Variants in PTPRN2 observed in about 807,000 individuals in gnomAD.
PTPRN2 encodes the protein receptor-type tyrosine-protein phosphatase N2.
In PTPRN2, 74 loss-of-function variants were observed where a neutral mutation model predicts 118.8. The observed-to-expected ratio is 0.62, with a 90% confidence interval of 0.52 to 0.76. PTPRN2 has a LOEUF of 0.76. Among genes scored for constraint, PTPRN2 ranks in the 30% least tolerant of loss-of-function variants. The pLI, the probability that PTPRN2 is intolerant of heterozygous loss-of-function variation, is 0.00. For missense variants in PTPRN2, 1,481 were observed against 1,394.4 expected, an observed-to-expected ratio of 1.06 and a Z score of -0.99; for synonymous variants, 641 against 608.0, an observed-to-expected ratio of 1.05 and a Z score of -0.80.
intron 3 of PTPRN2, among the ~76,000 whole-genome samples, chr7:158,248,533 C>T (rs1416487589): frequency 6.8e-6 from 1 of 146,276 alleles, no homozygotes; most frequent in Non-Finnish European, 1.5e-5. Context: ...CCCACACACA[C>T]CCCATGCACA....
chr7:158,466,469 A>G lies in PTPRN2; in HGVS notation c.163+23266T>C, dbSNP rs151266816. On this transcript the variant is annotated intron_variant, in intron 2 of 22. Transcript: ENST00000389418. ...CTTACTTCACACTATTTACAACATC[A>G]TGTCCTCCAGGTTCATCCATGTTTT... is the stretch of plus-strand genomic sequence containing the variant. Among the ~76,000 whole-genome samples the G allele has an allele frequency of 3.0e-3, 456 of 152,018 alleles. 2 individuals carry two copies. The highest frequency in any genetic ancestry group is 0.011 in the African/African-American group (442 of 41,444).
intron 5 of PTPRN2, among the ~76,000 whole-genome samples, chr7:158,173,233 C>T (rs1823874544): frequency 6.6e-6 from 1 of 152,224 alleles, no homozygotes. Flanking sequence ...TCATCACTTC[C>T]TATTGGGGGA....
rs1310296651 is a variant in PTPRN2, at chr7:158,587,581, C to A, written c.89G>T (p.Gly30Val). The change falls in exon 1 of 23, where the codon GGC (glycine) becomes GTC (valine). Residue 30 changes from glycine to valine, a missense_variant. Physicochemically the swap from Gly to Val is moderately radical, Grantham distance 109. Coordinates refer to ENST00000389418, the MANE Select transcript of PTPRN2 (RefSeq NM_002847.5). ...LPAAPSSVPR[G>V]RQLPGRLGCL... ...ACCCAGACGCCCCGGGAGCTGCCGG[C>A]CGCGGGGGACGGACGAAGGGGCGGC... 1 of 1,336,218 alleles carries A rather than the reference C, an allele frequency of 7.5e-7. No individual in the cohort carries two copies. Among genetic ancestry groups the A allele is most frequent in the South Asian group, 1.9e-5 (1 of 52,614 alleles). The allele number at this position is 1,336,218 out of a possible 1,614,324, so 82.8% of individuals were successfully genotyped here. A position where few individuals can be genotyped will look rare whatever the true frequency, so the allele number is the denominator to read the frequency against.
At chr7:158,395,895 G>C (rs1057373150) in intron 2 of PTPRN2, among the ~76,000 whole-genome samples, 4 of 152,008 alleles carry the variant, frequency 2.6e-5, no homozygotes, top group Admixed American at 2.6e-4. Flanking sequence ...CAGCCTGGAG[G>C]GGGAGCTCGG....
chr7:158,389,309 G>A (rs1041683205), intron 2 of PTPRN2, among the ~76,000 whole-genome samples: 5 of 152,250 alleles, frequency 3.3e-5, no homozygotes, highest in South Asian at 2.1e-4. Context: ...ACACGCAGCC[G>A]TGTCCATAGA....
Position 157,794,484 on chromosome 7 carries a change from G to A in PTPRN2, c.1788+104189C>T, listed in dbSNP as rs1388868642. On this transcript the variant is annotated intron_variant, in intron 12 of 22. Transcript: ENST00000389418. The surrounding 1 kb of genome is among the most constrained non-coding windows in gnomAD (Gnocchi z 5.2). ...TATTCTTTGAAGCTTCACTGCTTTC[G>A]GATAAGTATGAAAATAGGCTCTCCC... 8.5e-5 allele frequency among the ~76,000 whole-genome samples: 13 copies of A among 152,194 alleles called. No homozygotes were observed. The highest frequency in any genetic ancestry group is 5.9e-4 in the Admixed American group (9 of 15,276).
At chr7:157,594,690 C>CG (rs1162030259) in intron 17 of PTPRN2, among the ~76,000 whole-genome samples, 1 of 152,170 alleles carries the variant, frequency 6.6e-6, no homozygotes, top group African/African-American at 2.4e-5. Context: ...AGGGGAGACC[C>CG]GGGGGCAGCT....
chr7:157,979,217 A>T (rs1335864189), intron 11 of PTPRN2, among the ~76,000 whole-genome samples: 1 of 149,656 alleles, frequency 6.7e-6, no homozygotes, highest in Non-Finnish European at 1.5e-5. Flanking sequence ...TAGAAAAAAA[A>T]AGAAAAATGT....
At chr7:158,213,456 A>T (rs186273206) in intron 3 of PTPRN2, among the ~76,000 whole-genome samples, 30 of 152,342 alleles carry the variant, frequency 2.0e-4, no homozygotes, top group Non-Finnish European at 3.8e-4. Context: ...GAAGTGAAGA[A>T]TGATAGGAAA....
chr7:158,262,765 CACACATTCACACACACTACACACAT>C (rs1205983344), intron 3 of PTPRN2, among the ~76,000 whole-genome samples: 1 of 146,684 alleles, frequency 6.8e-6, no homozygotes, highest in Non-Finnish European at 1.5e-5. Context: ...ACACTGCACA[CACACATTCACACACACTACACACAT>C]ACACATTCAC....
At chr7:158,053,416 T>A (rs1809485812) in intron 11 of PTPRN2, among the ~76,000 whole-genome samples, 2 of 152,136 alleles carry the variant, frequency 1.3e-5, no homozygotes, top group Admixed American at 1.3e-4. Flanking sequence ...TCTGACTGTT[T>A]AATTAACGTG....
At chr7:158,538,625 A>C (rs1000036708) in intron 1 of PTPRN2, among the ~76,000 whole-genome samples, 1 of 152,146 alleles carries the variant, frequency 6.6e-6, no homozygotes, top group Admixed American at 6.6e-5. Context: ...CACTGAGAAT[A>C]GGTGGGCGCT....
rs925565797 is a variant in PTPRN2 at position 157,785,249 on chromosome 7, C to T, written c.1789-102312G>A. ...CGCCCCACAGGCTTGCACCGGGGTGCGGCCTGCCCTGTCTGGGGCGCCAAG... is the reference window on the plus strand; with the variant it reads ...CGCCCCACAGGCTTGCACCGGGGTGTGGCCTGCCCTGTCTGGGGCGCCAAG... On this transcript the variant is annotated intron_variant, in intron 12 of 22. Coordinates refer to ENST00000389418, the MANE Select transcript of PTPRN2 (RefSeq NM_002847.5). The surrounding 1 kb of genome is among the most constrained non-coding windows in gnomAD (Gnocchi z 7.3). Among the ~76,000 whole-genome samples the T allele has an allele frequency of 5.3e-5, 8 of 152,298 alleles. No homozygotes were observed. The highest frequency in any genetic ancestry group is 1.3e-4 in the Admixed American group (2 of 15,306).
intron 17 of PTPRN2, 65 bp downstream of exon 17, chr7:157,595,173 G>T: frequency 1.4e-6 from 2 of 1,466,218 alleles, no homozygotes; most frequent in South Asian, 1.1e-5. Context: ...TTCAAGACAT[G>T]ATTCGTGACC....
chr7:157,634,758 C>T (rs192303023), intron 14 of PTPRN2, among the ~76,000 whole-genome samples: 57 of 152,356 alleles, frequency 3.7e-4, no homozygotes, highest in Non-Finnish European at 6.5e-4. Flanking sequence ...CACAGGCTGA[C>T]GTAGGCTGAC....
At chr7:158,029,707 C>T (rs1237425558) in intron 11 of PTPRN2, 2 of 152,406 alleles carry the variant, frequency 1.3e-5, no homozygotes, top group Non-Finnish European at 2.9e-5. Context: ...GAGCTCCGGC[C>T]CTGCCCATCC....
chr7:157,883,944 A>T (rs1796315500), intron 12 of PTPRN2, among the ~76,000 whole-genome samples: 1 of 152,130 alleles, frequency 6.6e-6, no homozygotes, highest in African/African-American at 2.4e-5. Flanking sequence ...TGGAGACCAG[A>T]ACACGCCACC....
At chr7:158,159,258 G>C (rs6459843) in intron 6 of PTPRN2, among the ~76,000 whole-genome samples, 34,322 of 147,310 alleles carry the variant, frequency 0.23, 5,380 homozygotes, top group African/African-American at 0.45. Flanking sequence ...TGCATGGCTG[G>C]AGAGTTGCAC....
At chr7:158,541,544 C>T in intron 1 of PTPRN2, 1 of 1,352,120 alleles carries the variant, frequency 7.4e-7, no homozygotes, top group South Asian at 1.1e-5. Context: ...TCACACAGAA[C>T]ATCTTCATAG....
Sources: gnomAD v4.1 joint callset for allele counts (sites outside exome capture counted in the v4.1 genomes callset) on GRCh38, gnomAD v4.1.1 for gene constraint, Gnocchi (gnomAD v3.1) non-coding constraint, MANE v1.5 for transcripts, NCBI Gene and HGNC (gene_info 2026-07-23, HGNC 2026-07-21) for gene names.